The following MGAT4A variants were observed in gnomAD, a reference collection of about 807,000 sequenced individuals.
MGAT4A encodes N-acetylglucosaminyltransferase IVa.
In MGAT4A, 33 loss-of-function variants were observed where a neutral mutation model predicts 74.1. That is an observed-to-expected ratio of 0.45 (90% confidence interval 0.34 to 0.60). The LOEUF (loss-of-function observed/expected upper bound fraction) is 0.60. Among genes scored for constraint, MGAT4A ranks in the 20% least tolerant of loss-of-function variants. MGAT4A has a pLI of 0.02. For missense variants in MGAT4A, 479 were observed against 628.3 expected (o/e 0.76, Z 2.54); for synonymous variants, 198 against 210.4 (o/e 0.94, Z 0.51).
chr2:98,622,646 G>A lies in MGAT4A; in HGVS notation c.*2920C>T. 2 of 985,580 alleles carry A rather than the reference G, an allele frequency of 2.0e-6. No homozygotes were observed. The highest frequency in any genetic ancestry group is 2.4e-6 in the Non-Finnish European group (2 of 830,098). 61.1% of individuals were successfully genotyped at this position (985,580 alleles called of 1,614,324 possible). On this transcript the variant is annotated 3_prime_UTR_variant, in exon 16 of 16. Transcript: ENST00000393487. ...TGGCTGCTTCTACTAGTTGAGTGCA[G>A]AACTGGGCAGAAAGGAGGGAGTAAC...
Position 98,652,094 on chromosome 2 carries a change from A to G in MGAT4A, c.774+3351T>C, listed in dbSNP as rs138610339. 2.6e-5 allele frequency among the ~76,000 whole-genome samples: 4 copies of G among 152,306 alleles called. No homozygotes were observed. The East Asian group carries it at 5.8e-4, about 22-fold the overall frequency. ...TCAACACTGACAGAATTGAAAGAAGAAACAAACACCACCACAATAATACTA... is the reference window on the plus strand; with the variant it reads ...TCAACACTGACAGAATTGAAAGAAGGAACAAACACCACCACAATAATACTA... On this transcript the variant is annotated intron_variant, in intron 8 of 15. Transcript: ENST00000393487.
intron 5 of MGAT4A, among the ~76,000 whole-genome samples, chr2:98,660,418 G>GCGCACA (rs1282817406): frequency 2.0e-3 from 284 of 141,722 alleles, no homozygotes; most frequent in South Asian, 3.1e-3. Context: ...ACACGCACGC[G>GCGCACA]CACACACACA....
In MGAT4A at chr2:98,621,577, A is replaced by G. The variant is rs1701061160; in HGVS notation, c.*3989T>C. 1 of 1,545,088 alleles carries G rather than the reference A, an allele frequency of 6.5e-7. No homozygotes were observed. The highest frequency in any genetic ancestry group is 2.0e-5 in the Admixed American group (1 of 50,422). ...TCCTTTTGCTACATAACATGATATA[A>G]TCATGGATCAAACAGGTTCCACCCA... On this transcript the variant is annotated 3_prime_UTR_variant, in exon 16 of 16. Transcript: ENST00000393487.
chr2:98,624,829 CTCAGGAAGGACATTAGTCT>C lies in MGAT4A; in HGVS notation c.*718_*736del. 1 of 985,566 alleles carries C rather than the reference CTCAGGAAGGACATTAGTCT, an allele frequency of 1.0e-6. No individual in the cohort carries two copies. The highest frequency in any genetic ancestry group is 1.2e-6 in the Non-Finnish European group (1 of 829,686). The allele number at this position is 985,566 out of a possible 1,614,324, so 61.1% of individuals were successfully genotyped here. On this transcript the variant is annotated 3_prime_UTR_variant, in exon 16 of 16. Transcript: ENST00000393487. ...CCATACACAGTATAGTAAAGTAACC[CTCAGGAAGGACATTAGTCT>C]TTAAAATCTTGGCTTTAAGGAATGA... is the stretch of plus-strand genomic sequence containing the variant.
At chr2:98,700,550 A>G (rs1240022794) in intron 2 of MGAT4A, among the ~76,000 whole-genome samples, 5 of 152,094 alleles carry the variant, frequency 3.3e-5, no homozygotes, top group African/African-American at 4.8e-5. Context: ...ATTGCAAATC[A>G]AAACCAATTA....
intron 2 of MGAT4A, among the ~76,000 whole-genome samples, chr2:98,709,636 T>C (rs547628666): frequency 6.4e-4 from 97 of 152,338 alleles, no homozygotes; most frequent in African/African-American, 2.0e-3. Context: ...TGAGATTTCC[T>C]GGAACATTTA....
chr2:98,715,409 G>A (rs1255469334), intron 2 of MGAT4A, among the ~76,000 whole-genome samples: 1 of 150,762 alleles, frequency 6.6e-6, no homozygotes, highest in Non-Finnish European at 1.5e-5. Context: ...CAGAATGAAT[G>A]ATGGAAACAG....
In MGAT4A at chr2:98,679,216, CT is replaced by C. The variant is rs36114625; in HGVS notation, c.95-746del. On this transcript the variant is annotated intron_variant, in intron 2 of 15. Coordinates refer to ENST00000393487, the MANE Select transcript of MGAT4A (RefSeq NM_012214.3). ...GGTCAGGAGATCGAGACCATCCTGG[CT>C]AACACGGTGAAACCCTGTCTCTACT... Among the ~76,000 whole-genome samples the C allele has an allele frequency of 9.4e-3, 1,431 of 152,146 alleles. 28 individuals are homozygous for C. The highest frequency in any genetic ancestry group is 0.033 in the African/African-American group (1,383 of 41,510).
Position 98,667,315 on chromosome 2 carries a change from GA to G in MGAT4A, c.404-4137del, listed in dbSNP as rs547946133. Among the ~76,000 whole-genome samples, 1,122 of 152,298 alleles carry G rather than the reference GA, an allele frequency of 7.4e-3. 10 individuals carry two copies. Among genetic ancestry groups the G allele is most frequent in the African/African-American group, 0.026 (1,067 of 41,560 alleles). On this transcript the variant is annotated intron_variant, in intron 4 of 15. Transcript: ENST00000393487. ...GTGGGGCACTGCCGAAAAGATACCT[GA>G]AAACGTGGAAGTGAATTTGGAACTG...
At chr2:98,658,775 T>C (rs538826689) in intron 5 of MGAT4A, among the ~76,000 whole-genome samples, 27 of 152,340 alleles carry the variant, frequency 1.8e-4, no homozygotes, top group South Asian at 1.4e-3. Context: ...TATTACACCA[T>C]ATTAATATTA....
At position 98,624,716 on chromosome 2, in the gene MGAT4A, A is replaced by T; in HGVS notation, c.*850T>A. On this transcript the variant is annotated 3_prime_UTR_variant, in exon 16 of 16. Coordinates refer to ENST00000393487, the MANE Select transcript of MGAT4A (RefSeq NM_012214.3). ...TGTCATTTTACATATCAGAGGAAAT[A>T]TAATAAGTTAAGTCTACAATAATCT... 1.0e-6 allele frequency: 1 copy of T among 983,308 alleles called. No individual in the cohort carries two copies. The highest frequency in any genetic ancestry group is 1.1e-4 in the East Asian group (1 of 8,802). 60.9% of individuals were successfully genotyped at this position (983,308 alleles called of 1,614,324 possible). A position where few individuals can be genotyped will look rare whatever the true frequency, so the allele number is the denominator to read the frequency against.
chr2:98,711,026 C>T (rs1702510520), intron 2 of MGAT4A, among the ~76,000 whole-genome samples: 1 of 151,702 alleles, frequency 6.6e-6, no homozygotes, highest in Admixed American at 6.6e-5. Context: ...GTAAAATAAC[C>T]AAGATGCTAG....
In MGAT4A at chr2:98,621,277, G is replaced by A; in HGVS notation, c.*4289C>T. 8.3e-7 allele frequency: 1 copy of A among 1,210,268 alleles called. No homozygotes were observed. The highest frequency in any genetic ancestry group is 1.1e-6 in the Non-Finnish European group (1 of 899,098). The allele number at this position is 1,210,268 out of a possible 1,614,324, so 75.0% of individuals were successfully genotyped here. ...GGCTGGGTCTTATCTGGAGACTGGA[G>A]ATGAATGCCTTTCCAAGCCTATGAA... is the stretch of plus-strand genomic sequence containing the variant. On this transcript the variant is annotated 3_prime_UTR_variant, in exon 16 of 16. Coordinates refer to ENST00000393487, the MANE Select transcript of MGAT4A (RefSeq NM_012214.3).
intron 3 of MGAT4A, 70 bp downstream of exon 3, chr2:98,678,233 GA>G (rs748879200): frequency 0.11 from 19,136 of 179,842 alleles, 152 homozygotes; most frequent in Non-Finnish European, 0.13. Context: ...CTGTCTCAAA[GA>G]AAAAAAAAAA....
chr2:98,644,697 G>A (rs182687836), intron 9 of MGAT4A, among the ~76,000 whole-genome samples: 127 of 151,466 alleles, frequency 8.4e-4, no homozygotes, highest in Middle Eastern at 3.4e-3. Flanking sequence ...GCAGGGGCGC[G>A]ATCTCAGCTC....
At chr2:98,730,552 GCCCCGCGGC>G (rs1454153207) in intron 1 of MGAT4A, among the ~76,000 whole-genome samples, 1 of 147,692 alleles carries the variant, frequency 6.8e-6, no homozygotes, top group Admixed American at 6.7e-5. Context: ...CCGCCCACCT[GCCCCGCGGC>G]CCCCGCGAAA....
At chr2:98,720,341 G>A (rs181119064) in intron 2 of MGAT4A, among the ~76,000 whole-genome samples, 14 of 152,340 alleles carry the variant, frequency 9.2e-5, no homozygotes, top group Admixed American at 2.6e-4. Flanking sequence ...CTAAGAGCCT[G>A]AGTAGATCAA....
intron 4 of MGAT4A, among the ~76,000 whole-genome samples, chr2:98,668,432 C>T (rs1217667499): frequency 1.3e-5 from 2 of 152,194 alleles, no homozygotes; most frequent in Non-Finnish European, 2.9e-5. Flanking sequence ...TGCAGGTGCA[C>T]AGAAGTCAAT....
chr2:98,665,145 C>T (rs1051738630), intron 4 of MGAT4A, among the ~76,000 whole-genome samples: 14 of 151,870 alleles, frequency 9.2e-5, no homozygotes, highest in Admixed American at 2.6e-4. Context: ...CTGGCTAACA[C>T]GGTGAAACCC....
Sources: gnomAD v4.1 joint callset for allele counts (sites outside exome capture counted in the v4.1 genomes callset) on GRCh38, gnomAD v4.1.1 for gene constraint, MANE v1.5 for transcripts, NCBI Gene and HGNC (gene_info 2026-07-23, HGNC 2026-07-21) for gene names.